Variants in VPS13B observed in about 807,000 individuals in gnomAD.
The protein encoded by VPS13B is intermembrane lipid transfer protein VPS13B.
Under a neutral mutation model 426.4 loss-of-function variants are expected in VPS13B, and 285 were observed. That is an observed-to-expected ratio of 0.67 (90% confidence interval 0.61 to 0.74). The LOEUF is 0.74. Ranked by LOEUF, VPS13B falls within the 30% of genes least tolerant of loss-of-function variation. The pLI, the probability that VPS13B is intolerant of heterozygous loss-of-function variation, is 0.00. For synonymous variants in VPS13B, 1,676 were observed against 1,676.4 expected, an observed-to-expected ratio of 1.00 and a Z score of 0.01; for missense variants, 4,537 against 4,782.6, an observed-to-expected ratio of 0.95 and a Z score of 1.51.
In VPS13B at chr8:99,420,024, T is replaced by G. The variant is rs181829260; in HGVS notation, c.3083-11513T>G. Among the ~76,000 whole-genome samples the G allele has an allele frequency of 4.2e-3, 634 of 152,318 alleles. 5 individuals are homozygous for G. Among genetic ancestry groups the G allele is most frequent in the Non-Finnish European group, 4.4e-3 (296 of 67,990 alleles). On this transcript the variant is annotated intron_variant, in intron 21 of 61. Transcript: ENST00000357162. ...AGGGAAAATTTTAAAGTAAGTATCCTATTAGAAGTCATCCTTCTTTATTGA... is the reference window on the plus strand; with the variant it reads ...AGGGAAAATTTTAAAGTAAGTATCCGATTAGAAGTCATCCTTCTTTATTGA...
intron 51 of VPS13B, among the ~76,000 whole-genome samples, chr8:99,826,899 C>T (rs1457282284): frequency 1.3e-5 from 2 of 152,036 alleles, no homozygotes; most frequent in East Asian, 1.9e-4. Flanking sequence ...TTGAACCAGT[C>T]GTGCATCCCA....
rs780958234 is a variant in VPS13B at position 99,823,833 on chromosome 8, T to C, written c.9185T>C (p.Leu3062Ser). 1.3e-5 allele frequency: 21 copies of C among 1,613,284 alleles called. No homozygotes were observed. The highest frequency in any genetic ancestry group is 1.5e-5 in the Non-Finnish European group (18 of 1,179,750). Residue 3062 changes from leucine (L) to serine (S), a missense_variant and splice_region_variant, in exon 51 of 62, where the codon TTA becomes TCA. Physicochemically the swap from Leu to Ser is moderately radical, Grantham distance 145. Coordinates refer to ENST00000357162, the MANE Select transcript of VPS13B (RefSeq NM_152564.5). ...RLGAFPGHQK[L>S]CQFCISSMVQ... ...TATTTTTTCTCAATTATCTTGTAGTTATGTCAGTTCTGCATTTCCTCCATG... is the reference window on the plus strand; with the variant it reads ...TATTTTTTCTCAATTATCTTGTAGTCATGTCAGTTCTGCATTTCCTCCATG...
intron 31 of VPS13B, among the ~76,000 whole-genome samples, chr8:99,573,175 G>A (rs1338182359): frequency 6.6e-6 from 1 of 152,134 alleles, no homozygotes; most frequent in African/African-American, 2.4e-5. Context: ...ATTTGTTTGA[G>A]TTCTTTGTAG....
chr8:99,175,684 G>A (rs948640650), intron 16 of VPS13B, among the ~76,000 whole-genome samples: 2 of 152,124 alleles, frequency 1.3e-5, no homozygotes, highest in African/African-American at 4.8e-5. Flanking sequence ...TTGCGCTCGG[G>A]AGATTGAGGC....
intron 25 of VPS13B, among the ~76,000 whole-genome samples, chr8:99,486,596 T>C (rs771890175): frequency 3.9e-5 from 6 of 152,240 alleles, no homozygotes; most frequent in Admixed American, 6.5e-5. Flanking sequence ...TTTCTTAGCC[T>C]GCTGAAGCCT....
chr8:99,758,997 T>C (rs772936589), intron 39 of VPS13B, among the ~76,000 whole-genome samples: 1 of 152,140 alleles, frequency 6.6e-6, no homozygotes, highest in Non-Finnish European at 1.5e-5. Context: ...TTCAACCCTC[T>C]TGTCAAGTCC....
intron 35 of VPS13B, among the ~76,000 whole-genome samples, chr8:99,689,804 C>G (rs1271734462): frequency 6.6e-6 from 1 of 152,160 alleles, no homozygotes; most frequent in Non-Finnish European, 1.5e-5. Flanking sequence ...AGTCTGCAGT[C>G]AGGGAAAATG....
Position 99,875,709 on chromosome 8 carries a change from T to C in VPS13B, c.*43T>C. 1 of 1,613,116 alleles carries C rather than the reference T, an allele frequency of 6.2e-7. No homozygotes were observed. The highest frequency in any genetic ancestry group is 8.5e-7 in the Non-Finnish European group (1 of 1,179,824). On this transcript the variant is annotated 3_prime_UTR_variant, in exon 62 of 62. Coordinates refer to ENST00000357162, the MANE Select transcript of VPS13B (RefSeq NM_152564.5). ...TATTCCTGCTTGTGTGATTTAGTTT[T>C]TGGGTTTCTTTGAGACAGGGTCTCA...
chr8:99,640,073 A>G (rs1432994022), intron 33 of VPS13B, among the ~76,000 whole-genome samples: 1 of 143,070 alleles, frequency 7.0e-6, no homozygotes, highest in Admixed American at 7.0e-5. Context: ...AAAGAAAAGA[A>G]AAGAAAAGAA....
At chr8:99,719,827 A>C (rs559971516) in intron 37 of VPS13B, among the ~76,000 whole-genome samples, 5 of 152,230 alleles carry the variant, frequency 3.3e-5, no homozygotes, top group African/African-American at 1.2e-4. Flanking sequence ...GTGTTGGCAC[A>C]GTCTTACTAA....
At position 99,720,398 on chromosome 8, in the gene VPS13B, C is replaced by G. The variant is rs769974060; in HGVS notation, c.6711C>G (p.Leu2237=). 2 of 1,613,726 alleles carry G rather than the reference C, an allele frequency of 1.2e-6. No homozygotes were observed. Among genetic ancestry groups the G allele is most frequent in the African/African-American group, 1.3e-5 (1 of 74,918 alleles). ...LNCLVLLHEL[L]NGYLNEEGNF... ...GTTTAGTTCTTCTACATGAATTACTCAATGGATACCTTAATGAGGAGGGAA... is the reference window on the plus strand; with the variant it reads ...GTTTAGTTCTTCTACATGAATTACTGAATGGATACCTTAATGAGGAGGGAA... The change falls in exon 38 of 62, where the codon CTC becomes CTG. Residue 2237 remains leucine (L), a synonymous_variant. Coordinates refer to ENST00000357162, the MANE Select transcript of VPS13B (RefSeq NM_152564.5).
At chr8:99,839,148 C>A (rs1037058750) in intron 54 of VPS13B, among the ~76,000 whole-genome samples, 3 of 152,188 alleles carry the variant, frequency 2.0e-5, no homozygotes, top group African/African-American at 7.2e-5. Flanking sequence ...ATTAAAATGA[C>A]CCCTTTGCAG....
chr8:99,748,482 T>C (rs2130524756), intron 39 of VPS13B, among the ~76,000 whole-genome samples: 2 of 152,154 alleles, frequency 1.3e-5, no homozygotes, highest in African/African-American at 4.8e-5. Flanking sequence ...GATATGTAAA[T>C]AGACATATTT....
chr8:99,404,427 A>G (rs770890514), intron 21 of VPS13B, among the ~76,000 whole-genome samples: 1 of 152,178 alleles, frequency 6.6e-6, no homozygotes, highest in Non-Finnish European at 1.5e-5. Flanking sequence ...GCTCAGCATG[A>G]GATGCAATTT....
At chr8:99,481,915 G>C in intron 25 of VPS13B, 113 bp downstream of exon 25, 1 of 1,266,156 alleles carries the variant, frequency 7.9e-7, no homozygotes, top group Non-Finnish European at 1.1e-6. Flanking sequence ...GATAGATTCT[G>C]AAGGTTCAAG....
chr8:99,717,071 C>A, intron 36 of VPS13B, 100 bp from the exon 37 acceptor site: 13 of 1,213,534 alleles, frequency 1.1e-5, no homozygotes, highest in Non-Finnish European at 1.5e-5. Context: ...ACGACTCTGA[C>A]AAAGGATGAA....
chr8:99,686,149 G>A (rs1341161615), intron 35 of VPS13B, among the ~76,000 whole-genome samples: 1 of 152,192 alleles, frequency 6.6e-6, no homozygotes, highest in African/African-American at 2.4e-5. Context: ...ATAAGATCCA[G>A]AAGAATTCTT....
chr8:99,739,424 C>T (rs1025260886), intron 39 of VPS13B, among the ~76,000 whole-genome samples: 20 of 152,142 alleles, frequency 1.3e-4, no homozygotes, highest in Non-Finnish European at 1.8e-4. Context: ...AAAAGGCAGC[C>T]GAAACCTCTG....
intron 19 of VPS13B, among the ~76,000 whole-genome samples, chr8:99,310,027 C>A (rs575139345): frequency 1.3e-3 from 193 of 152,132 alleles, no homozygotes; most frequent in Non-Finnish European, 1.8e-3. Context: ...TTTGTACATT[C>A]ATTTTGTATC....
Sources: allele counts gnomAD v4.1 joint callset (sites outside exome capture counted in the v4.1 genomes callset), GRCh38; gene constraint gnomAD v4.1.1; transcripts MANE v1.5; gene names NCBI Gene and HGNC (gene_info 2026-07-23, HGNC 2026-07-21).